Variants in MED8 observed in about 807,000 individuals in gnomAD.
The protein encoded by MED8 is mediator complex subunit 8.
Under a neutral mutation model 34.8 loss-of-function variants are expected in MED8, and 22 were observed. That is an observed-to-expected ratio of 0.63 (90% CI 0.45 to 0.90). The LOEUF (loss-of-function observed/expected upper bound fraction) is 0.90. Among genes scored for constraint, MED8 ranks in the 40% least tolerant of loss-of-function variants. The pLI is 0.00. For synonymous variants in MED8, 105 were observed against 120.2 expected (o/e 0.87, Z 0.83); for missense variants, 260 against 326.3 (o/e 0.80, Z 1.57).
rs769617229 is a variant in MED8, at chr1:43,384,559, A to G, written c.*483T>C. On this transcript the variant is annotated 3_prime_UTR_variant, in exon 7 of 7. Coordinates refer to ENST00000372457, the MANE Select transcript of MED8 (RefSeq NM_201542.5). ...GAAACCCAGGCAGGAGGGCCTGCAA[A>G]AACAGTGTGCCTCTAAGAACACAGA... The G allele has an allele frequency of 7.4e-5, 118 of 1,603,846 alleles. No homozygotes were observed. In the Middle Eastern group the frequency reaches 8.3e-4, roughly 11 times the overall value.
chr1:43,385,128 T>G, intron 6 of MED8, 22 bp from the exon 7 acceptor site: 1 of 1,551,656 alleles, frequency 6.4e-7, no homozygotes, highest in Non-Finnish European at 8.7e-7. Context: ...ATTAAAAAAG[T>G]CATCTTAAGC....
intron 6 of MED8, chr1:43,385,686 C>T (rs1647703072): frequency 2.4e-6 from 1 of 414,030 alleles, no homozygotes; most frequent in South Asian, 2.5e-5. Flanking sequence ...ACACTGACAA[C>T]ATATCTAATA....
At chr1:43,387,711 G>T in intron 2 of MED8, 64 bp from the exon 3 acceptor site, 3 of 1,579,868 alleles carry the variant, frequency 1.9e-6, no homozygotes, top group Non-Finnish European at 2.6e-6. Flanking sequence ...TAGTAAAATA[G>T]TCCTAGTTCC....
rs780640284 is a variant in MED8, at chr1:43,387,001, G to GT, written c.271-4dup. On this transcript the variant is annotated splice_region_variant and splice_polypyrimidine_tract_variant and intron_variant, in intron 3 of 6. Coordinates refer to ENST00000372457, the MANE Select transcript of MED8 (RefSeq NM_201542.5). ...GGCACCCGTCCTTCAGTCTGCCGCT[G>GT]TAACACACAGATTTTATTGATCCTA... The GT allele has an allele frequency of 6.2e-7, 1 of 1,613,840 alleles. No homozygotes were observed. Among genetic ancestry groups the GT allele is most frequent in the Non-Finnish European group, 8.5e-7 (1 of 1,179,800 alleles).
In MED8 at chr1:43,384,902, C is replaced by G; in HGVS notation, c.*140G>C. The stretch of plus-strand genomic sequence containing the variant: ...ACTTGTCCAAGGTCACACAGCTAGT[C>G]AGTGGTGGAAGTGGGATTTGTCTGC... On this transcript the variant is annotated 3_prime_UTR_variant, in exon 7 of 7. Coordinates refer to ENST00000372457, the MANE Select transcript of MED8 (RefSeq NM_201542.5). 1.4e-6 allele frequency: 2 copies of G among 1,433,480 alleles called. No homozygotes were observed. Among genetic ancestry groups the G allele is most frequent in the Non-Finnish European group, 1.8e-6 (2 of 1,091,494 alleles). 88.8% of individuals were successfully genotyped at this position (1,433,480 alleles called of 1,614,324 possible).
chr1:43,387,388 G>A (rs541517472), intron 3 of MED8, 115 bp downstream of exon 3: 1 of 1,383,820 alleles, frequency 7.2e-7, no homozygotes, highest in Admixed American at 2.5e-5. Flanking sequence ...AGAACAAAAA[G>A]CAAGGCCTCC....
chr1:43,385,386 G>C (rs1570502676), intron 6 of MED8: 1 of 404,140 alleles, frequency 2.5e-6, no homozygotes, highest in East Asian at 4.8e-5. Context: ...ACAGGTAAAA[G>C]AGTACTATGT....
At chr1:43,385,279 T>C (rs1182865273) in intron 6 of MED8, 173 bp from the exon 7 acceptor site, 14 of 796,494 alleles carry the variant, frequency 1.8e-5, no homozygotes, top group Non-Finnish European at 2.5e-5. Context: ...GCTGTCTCCC[T>C]GAAGGTGTCC....
Position 43,384,984 on chromosome 1 carries a change from G to C in MED8, c.*58C>G. On this transcript the variant is annotated 3_prime_UTR_variant, in exon 7 of 7. Transcript: ENST00000372457. ...CATCTAGGTGAGCCTTGAGCAAAAG[G>C]TAATTTCACTGCCCAACTCTGCAAA... 1.3e-6 allele frequency: 2 copies of C among 1,532,946 alleles called. No homozygotes were observed. Among genetic ancestry groups the C allele is most frequent in the Non-Finnish European group, 1.8e-6 (2 of 1,140,604 alleles). The allele number at this position is 1,532,946 out of a possible 1,614,324, so 95.0% of individuals were successfully genotyped here.
chr1:43,388,390 C>A lies in MED8; in HGVS notation c.45G>T (p.Leu15=), dbSNP rs750182439. The A allele has an allele frequency of 6.2e-7, 1 of 1,613,680 alleles. No individual in the cohort carries two copies. Among genetic ancestry groups the A allele is most frequent in the Non-Finnish European group, 8.5e-7 (1 of 1,179,896 alleles). Reference sequence around the variant, plus strand: ...TCTTCAGATCAGCCACTTGACTCAGCAGTGCATCTAATGATGCCTCAAGCT... The same window carrying A: ...TCTTCAGATCAGCCACTTGACTCAGAAGTGCATCTAATGATGCCTCAAGCT... ...EKQLEASLDA[L]LSQVADLKNS... Residue 15 remains leucine, a synonymous_variant, in exon 2 of 7, where the codon CTG becomes CTT. Coordinates refer to ENST00000372457, the MANE Select transcript of MED8 (RefSeq NM_201542.5).
Position 43,386,796 on chromosome 1 carries a change from G to C in MED8, c.411+62C>G, listed in dbSNP as rs115831304. The C allele has an allele frequency of 2.5e-5, 40 of 1,609,684 alleles. No homozygotes were observed. The African/African-American group carries it at 3.9e-4, about 16-fold the overall frequency. ...TATGTATCCCTACTAGACAGGAATGGTAATGCCTAGCTTCTCATGATGGGA... is the reference window on the plus strand; with the variant it reads ...TATGTATCCCTACTAGACAGGAATGCTAATGCCTAGCTTCTCATGATGGGA... On this transcript the variant is annotated intron_variant, in intron 4 of 6. Transcript: ENST00000372457. This position sits in a 1 kb window ranked among gnomAD's most constrained non-coding sequence, Gnocchi z 4.9.
In MED8 at chr1:43,388,366, C is replaced by A. The variant is rs1045601104; in HGVS notation, c.69G>T (p.Lys23Asn). The change falls in exon 2 of 7, where the codon AAG (lysine) becomes AAT (asparagine). Residue 23 changes from lysine to asparagine, a missense_variant. Physicochemically the swap from Lys to Asn is moderately conservative, Grantham distance 94. Transcript: ENST00000372457. Reference sequence around the variant, plus strand: ...TGCAAATGAAACTCCCCAGAGAGTTCTTCAGATCAGCCACTTGACTCAGCA... The same window carrying A: ...TGCAAATGAAACTCCCCAGAGAGTTATTCAGATCAGCCACTTGACTCAGCA... ...DALLSQVADL[K>N]NSLGSFICKL... 4.7e-5 allele frequency: 76 copies of A among 1,613,598 alleles called. No homozygotes were observed. Among genetic ancestry groups the A allele is most frequent in the Non-Finnish European group, 6.3e-5 (74 of 1,179,898 alleles).
In MED8 at chr1:43,385,094, C is replaced by G; in HGVS notation, c.755G>C (p.Ser252Thr). 1 of 1,555,194 alleles carries G rather than the reference C, an allele frequency of 6.4e-7. No homozygotes were observed. Among genetic ancestry groups the G allele is most frequent in the Non-Finnish European group, 8.7e-7 (1 of 1,148,644 alleles). The change falls in exon 7 of 7, where the codon AGT (serine) becomes ACT (threonine). Residue 252 changes from serine (S) to threonine (T), a missense_variant. Ser to Thr is a moderately conservative substitution (Grantham distance 58, BLOSUM62 1). Coordinates refer to ENST00000372457, the MANE Select transcript of MED8 (RefSeq NM_201542.5). ...CGACTTGATGTTGGTTTTTATTCCA[C>G]TTGGCATTTTCCCTGAAAGGAACAT... is the stretch of plus-strand genomic sequence containing the variant. ...AQAGQPGKMP[S>T]GIKTNIKSAS... is the part of the protein sequence containing the mutation.
Position 43,386,934 on chromosome 1 carries a change from T to C in MED8, c.335A>G (p.Lys112Arg). ...HEVVPDHLRT[K>R]PDPEVEEQEK... ...CTGTTCTTCCACTTCAGGGTCAGGC[T>C]TGGTTCTCAGATGGTCAGGGACTAC... Residue 112 changes from lysine to arginine, a missense_variant, in exon 4 of 7, where the codon AAG (lysine) becomes AGG (arginine). By Grantham distance (26) the Lys-to-Arg change is conservative. Coordinates refer to ENST00000372457, the MANE Select transcript of MED8 (RefSeq NM_201542.5). This position sits in a 1 kb window ranked among gnomAD's most constrained non-coding sequence, Gnocchi z 4.9. 1.9e-6 allele frequency: 3 copies of C among 1,613,994 alleles called. No homozygotes were observed. Among genetic ancestry groups the C allele is most frequent in the Non-Finnish European group, 2.5e-6 (3 of 1,179,900 alleles).
In MED8 at chr1:43,386,425, A is replaced by G. The variant is rs1019174869; in HGVS notation, c.493+164T>C. 1.1e-5 allele frequency: 11 copies of G among 1,028,736 alleles called. No individual in the cohort carries two copies. In the Admixed American group the frequency reaches 2.9e-4, roughly 27 times the overall value. The allele number at this position is 1,028,736 out of a possible 1,614,324, so 63.7% of individuals were successfully genotyped here. On this transcript the variant is annotated intron_variant, in intron 5 of 6. Transcript: ENST00000372457. The surrounding 1 kb of genome is among the most constrained non-coding windows in gnomAD (Gnocchi z 4.9). Reference sequence around the variant, plus strand: ...TCTTCTTACTTTGCCCATTTCCTCCACTGCTTCAGTGCTGGCCTTAAATAC... The same window carrying G: ...TCTTCTTACTTTGCCCATTTCCTCCGCTGCTTCAGTGCTGGCCTTAAATAC...
chr1:43,389,630 C>G, intron 1 of MED8, 129 bp downstream of exon 1: 1 of 1,410,820 alleles, frequency 7.1e-7, no homozygotes, highest in African/African-American at 1.5e-5. Context: ...CCCCAGCCCA[C>G]ATTCCCTTAT....
chr1:43,387,315 C>T (rs1647768835), intron 3 of MED8, among the ~76,000 whole-genome samples, 188 bp downstream of exon 3: 1 of 152,142 alleles, frequency 6.6e-6, no homozygotes, highest in Non-Finnish European at 1.5e-5. Context: ...AAGGTATCAG[C>T]CTTGGTGACA....
At chr1:43,385,801 C>T in intron 6 of MED8, 177 bp downstream of exon 6, 1 of 934,406 alleles carries the variant, frequency 1.1e-6, no homozygotes. Context: ...TCTCTGGTGC[C>T]TGTTGCAGAG....
At chr1:43,388,626 G>T in intron 1 of MED8, 198 bp from the exon 2 acceptor site, 2 of 798,954 alleles carry the variant, frequency 2.5e-6, no homozygotes, top group Non-Finnish European at 3.8e-6. Flanking sequence ...CAACCTGTTT[G>T]CCTGACCCCA....
Sources: allele counts gnomAD v4.1 joint callset (sites outside exome capture counted in the v4.1 genomes callset), GRCh38; gene constraint gnomAD v4.1.1; non-coding constraint Gnocchi (gnomAD v3.1); transcripts MANE v1.5; gene names NCBI Gene and HGNC (gene_info 2026-07-23, HGNC 2026-07-21).